Variants in RALGAPA1 observed in about 807,000 individuals in gnomAD.
RALGAPA1 encodes the protein Ral GTPase activating protein catalytic subunit alpha 1.
A neutral mutation model predicts 269.6 loss-of-function variants in RALGAPA1; 52 were observed. The observed-to-expected ratio is 0.19, with a 90% confidence interval of 0.15 to 0.24. The LOEUF (loss-of-function observed/expected upper bound fraction) is 0.24. Ranked by LOEUF, RALGAPA1 falls within the 10% of genes least tolerant of loss-of-function variation. The pLI, the probability that RALGAPA1 is intolerant of heterozygous loss-of-function variation, is 1.00. For synonymous variants in RALGAPA1, 817 were observed against 1,008.3 expected, an observed-to-expected ratio of 0.81 and a Z score of 3.60; for missense variants, 1,917 against 3,013.9, an observed-to-expected ratio of 0.64 and a Z score of 8.52.
chr14:35,756,876 C>T lies in RALGAPA1; in HGVS notation c.580G>A (p.Val194Ile). ...QVTIEEITPL[V>I]PPQSGDKGQE... The stretch of plus-strand genomic sequence containing the variant: ...CCTTTATCTCCTGATTGTGGGGGGA[C>T]AAGAGGAGTGATTTCTTCTATAGTG... The change falls in exon 7 of 42, where the codon GTC (valine) becomes ATC (isoleucine). Residue 194 changes from valine to isoleucine, a missense_variant. This residue lies in a region of RALGAPA1 where 462 missense variants were observed against 725.6 expected (regional missense o/e 0.64). Transcript: ENST00000680220. 1 of 1,610,884 alleles carries T rather than the reference C, an allele frequency of 6.2e-7. No individual in the cohort carries two copies. Among genetic ancestry groups the T allele is most frequent in the Non-Finnish European group, 8.5e-7 (1 of 1,178,484 alleles).
intron 41 of RALGAPA1, among the ~76,000 whole-genome samples, chr14:35,547,167 G>A (rs1309658207): frequency 6.6e-6 from 1 of 151,996 alleles, no homozygotes; most frequent in Non-Finnish European, 1.5e-5. Flanking sequence ...CACAATATTA[G>A]GTTTATGTTC....
chr14:35,803,684 TG>T (rs1276001087), intron 1 of RALGAPA1, among the ~76,000 whole-genome samples: 8 of 150,746 alleles, frequency 5.3e-5, no homozygotes, highest in East Asian at 2.0e-4. Flanking sequence ...CAGGCTAGGG[TG>T]CAGTTGCACA....
intron 31 of RALGAPA1, among the ~76,000 whole-genome samples, chr14:35,638,919 C>CTT (rs2139797847): frequency 6.6e-6 from 1 of 151,618 alleles, no homozygotes; most frequent in Non-Finnish European, 1.5e-5. Flanking sequence ...GAGCAAGACT[C>CTT]TGTCTCAAAA....
intron 12 of RALGAPA1, among the ~76,000 whole-genome samples, chr14:35,730,753 TCA>T (rs1362700813): frequency 1.3e-5 from 2 of 152,024 alleles, no homozygotes; most frequent in South Asian, 4.1e-4. Context: ...GAGTCTGAGC[TCA>T]GACACACCTA....
chr14:35,560,870 T>C (rs2056146544), intron 39 of RALGAPA1, among the ~76,000 whole-genome samples: 1 of 152,184 alleles, frequency 6.6e-6, no homozygotes, highest in Admixed American at 6.5e-5. Context: ...CATTTATTGC[T>C]TTTTGAAAGG....
chr14:35,691,767 T>C (rs1414371120), intron 17 of RALGAPA1, among the ~76,000 whole-genome samples: 2 of 152,200 alleles, frequency 1.3e-5, no homozygotes, highest in Admixed American at 6.5e-5. Flanking sequence ...GTTTGTATTA[T>C]GCCAAGATTC....
chr14:35,675,069 C>G (rs1392958427), intron 22 of RALGAPA1, among the ~76,000 whole-genome samples: 3 of 152,122 alleles, frequency 2.0e-5, no homozygotes, highest in Non-Finnish European at 4.4e-5. Flanking sequence ...GTTATATCAT[C>G]AAATTAATGG....
chr14:35,628,526 A>T (rs779773431), intron 33 of RALGAPA1, among the ~76,000 whole-genome samples: 8 of 152,198 alleles, frequency 5.3e-5, no homozygotes, highest in Admixed American at 3.9e-4. Context: ...TGTTCAACTG[A>T]TAAGTTTCTT....
intron 27 of RALGAPA1, among the ~76,000 whole-genome samples, chr14:35,663,907 T>C (rs187131855): frequency 1.3e-5 from 2 of 152,182 alleles, no homozygotes; most frequent in Non-Finnish European, 2.9e-5. Context: ...TTATCATACA[T>C]AGGCATTCAG....
At chr14:35,649,020 T>C (rs2062645664) in intron 31 of RALGAPA1, among the ~76,000 whole-genome samples, 1 of 152,242 alleles carries the variant, frequency 6.6e-6, no homozygotes. Flanking sequence ...TCGCCTTAAG[T>C]GATTTCATAT....
intron 13 of RALGAPA1, among the ~76,000 whole-genome samples, chr14:35,726,507 A>G (rs2140997259): frequency 6.6e-6 from 1 of 152,250 alleles, no homozygotes; most frequent in East Asian, 1.9e-4. Flanking sequence ...AATTCTGGCC[A>G]GGTGTGGTGG....
intron 1 of RALGAPA1, among the ~76,000 whole-genome samples, chr14:35,798,787 C>T (rs916097386): frequency 1.3e-5 from 2 of 151,914 alleles, no homozygotes; most frequent in Non-Finnish European, 1.5e-5. Context: ...GCCAGGAGTT[C>T]GAAACCAGTC....
At chr14:35,718,884 G>A (rs2069109280) in intron 16 of RALGAPA1, among the ~76,000 whole-genome samples, 1 of 150,156 alleles carries the variant, frequency 6.7e-6, no homozygotes, top group South Asian at 2.1e-4. Flanking sequence ...TTGTCATCCA[G>A]GCTGAAGTGC....
At chr14:35,714,302 G>A (rs903777379) in intron 16 of RALGAPA1, among the ~76,000 whole-genome samples, 4 of 152,038 alleles carry the variant, frequency 2.6e-5, no homozygotes, top group African/African-American at 9.7e-5. Flanking sequence ...CTTAATATTC[G>A]TATTTTGATA....
At chr14:35,589,392 A>G (rs2058500316) in intron 37 of RALGAPA1, among the ~76,000 whole-genome samples, 1 of 152,130 alleles carries the variant, frequency 6.6e-6, no homozygotes, top group African/African-American at 2.4e-5. Context: ...AATTGCTAAG[A>G]GAATAGATTT....
At chr14:35,610,313 C>T (rs1297719774) in intron 35 of RALGAPA1, among the ~76,000 whole-genome samples, 5 of 148,628 alleles carry the variant, frequency 3.4e-5, no homozygotes, top group African/African-American at 7.4e-5. Context: ...GATGGAGTCT[C>T]GCTCTCTCGC....
At chr14:35,671,903 G>A (rs1157325314) in intron 25 of RALGAPA1, among the ~76,000 whole-genome samples, 2 of 152,074 alleles carry the variant, frequency 1.3e-5, no homozygotes. Flanking sequence ...CACATGACCC[G>A]TTACGTGACA....
intron 39 of RALGAPA1, among the ~76,000 whole-genome samples, chr14:35,552,278 G>T (rs2055096508): frequency 6.6e-6 from 1 of 151,954 alleles, no homozygotes; most frequent in African/African-American, 2.4e-5. Flanking sequence ...TTTTGTGATT[G>T]AGATGATTAA....
At chr14:35,592,184 A>G (rs978702178) in intron 37 of RALGAPA1, among the ~76,000 whole-genome samples, 6 of 152,028 alleles carry the variant, frequency 3.9e-5, no homozygotes, top group Non-Finnish European at 8.8e-5. Context: ...AAGTGAAGAC[A>G]TTACAACAGG....
Sources: gnomAD v4.1 joint callset for allele counts (sites outside exome capture counted in the v4.1 genomes callset) on GRCh38, gnomAD v4.1.1 for gene constraint, gnomAD v4.1.1 regional missense constraint, MANE v1.5 for transcripts, NCBI Gene and HGNC (gene_info 2026-07-23, HGNC 2026-07-21) for gene names.